The following SNX29 variants were observed in gnomAD, a reference collection of about 807,000 sequenced individuals.
SNX29 encodes the protein sorting nexin 29.
Under a neutral mutation model 102.1 loss-of-function variants are expected in SNX29, and 78 were observed. That is an observed-to-expected ratio of 0.76 (90% confidence interval 0.64 to 0.92). The LOEUF (loss-of-function observed/expected upper bound fraction) is 0.92, where lower values mean the gene tolerates loss of function less well. Ranked by LOEUF, SNX29 falls within the 40% of genes least tolerant of loss-of-function variation. The pLI, the probability that SNX29 is intolerant of heterozygous loss-of-function variation, is 0.00. For missense variants in SNX29, 1,280 were observed against 1,061.7 expected (o/e 1.21, Z -2.86); for synonymous variants, 580 against 414.5 (o/e 1.40, Z -4.85).
chr16:12,510,421 A>T (rs934427892), intron 19 of SNX29, among the ~76,000 whole-genome samples: 2 of 152,026 alleles, frequency 1.3e-5, no homozygotes, highest in Non-Finnish European at 2.9e-5. Context: ...GGCCTATACA[A>T]CCAGCACTTT....
intron 13 of SNX29, among the ~76,000 whole-genome samples, chr16:12,163,044 G>A (rs574509857): frequency 6.6e-6 from 1 of 152,230 alleles, no homozygotes; most frequent in Non-Finnish European, 1.5e-5. Flanking sequence ...ACCATGCCCA[G>A]CTAATTTTTG....
intron 14 of SNX29, among the ~76,000 whole-genome samples, chr16:12,268,042 G>C (rs12446650): frequency 0.63 from 96,006 of 152,034 alleles, 31,322 homozygotes; most frequent in African/African-American, 0.78. Context: ...AACGTTCTCT[G>C]CAGGGCTGTG....
chr16:12,514,069 A>G (rs950695299), intron 19 of SNX29, among the ~76,000 whole-genome samples: 1 of 152,220 alleles, frequency 6.6e-6, no homozygotes, highest in Non-Finnish European at 1.5e-5. Flanking sequence ...CCTGCATCCC[A>G]GGGTGGCAGG....
intron 13 of SNX29, among the ~76,000 whole-genome samples, chr16:12,187,315 T>G (rs1370209857): frequency 2.0e-5 from 3 of 152,216 alleles, no homozygotes; most frequent in Non-Finnish European, 4.4e-5. Flanking sequence ...ATCCCAGCAC[T>G]TTGGGAGGCC....
At chr16:12,001,485 A>G (rs1438536082) in intron 2 of SNX29, among the ~76,000 whole-genome samples, 2 of 151,984 alleles carry the variant, frequency 1.3e-5, no homozygotes, top group Admixed American at 1.3e-4. Flanking sequence ...CTTTTTTTGC[A>G]TGACTTTCAA....
At position 12,572,111 on chromosome 16, in the gene SNX29, C is replaced by T. The variant is rs956709251; in HGVS notation, c.*3482C>T. Reference sequence around the variant, plus strand: ...GGGAGGGATGTGGACTGGGTCTGATCACAGCCCTTGGCCCTGCTTCATACT... The same window carrying T: ...GGGAGGGATGTGGACTGGGTCTGATTACAGCCCTTGGCCCTGCTTCATACT... On this transcript the variant is annotated 3_prime_UTR_variant, in exon 21 of 21. Transcript: ENST00000566228. 5 of 1,049,640 alleles carry T rather than the reference C, an allele frequency of 4.8e-6. No homozygotes were observed. Among genetic ancestry groups the T allele is most frequent in the Non-Finnish European group, 5.8e-6 (5 of 865,424 alleles). 65.0% of individuals were successfully genotyped at this position (1,049,640 alleles called of 1,614,324 possible). A position where few individuals can be genotyped will look rare whatever the true frequency, so the allele number is the denominator to read the frequency against.
chr16:12,382,040 C>G (rs909707796), intron 16 of SNX29, among the ~76,000 whole-genome samples: 1 of 151,960 alleles, frequency 6.6e-6, no homozygotes, highest in Admixed American at 6.5e-5. Context: ...TGTCTTCAAG[C>G]AGCTTCCAAA....
Position 12,239,254 on chromosome 16 carries a change from C to T in SNX29, c.1679-38679C>T, listed in dbSNP as rs147341175. Among the ~76,000 whole-genome samples, 445 of 152,184 alleles carry T rather than the reference C, an allele frequency of 2.9e-3. 3 individuals are homozygous for T. Among genetic ancestry groups the T allele is most frequent in the Admixed American group, 4.6e-3 (71 of 15,286 alleles). ...TGTTCATTGCGTTCATTGTTTGTTG[C>T]CAGGAAGTGCATTCTGTACCTGACA... On this transcript the variant is annotated intron_variant, in intron 14 of 20. Transcript: ENST00000566228.
chr16:12,012,064 C>G (rs1339967455), intron 3 of SNX29, among the ~76,000 whole-genome samples: 2 of 152,142 alleles, frequency 1.3e-5, no homozygotes, highest in Non-Finnish European at 2.9e-5. Context: ...TTATAGAGTA[C>G]TATGTTGGCA....
intron 18 of SNX29, among the ~76,000 whole-genome samples, chr16:12,449,317 G>A (rs1204713247): frequency 6.6e-6 from 1 of 151,900 alleles, no homozygotes; most frequent in Non-Finnish European, 1.5e-5. Flanking sequence ...AACTTAGCCA[G>A]GCAAAGAAGG....
chr16:12,537,803 A>C (rs941600683), intron 20 of SNX29, among the ~76,000 whole-genome samples: 1 of 152,076 alleles, frequency 6.6e-6, no homozygotes, highest in Non-Finnish European at 1.5e-5. Flanking sequence ...CTCCTATATC[A>C]GAGAGGTGTG....
intron 18 of SNX29, among the ~76,000 whole-genome samples, chr16:12,407,132 C>A (rs143047149): frequency 3.3e-5 from 5 of 151,844 alleles, no homozygotes; most frequent in African/African-American, 1.2e-4. Flanking sequence ...AGAAGGACCA[C>A]ACTGGCCATG....
chr16:11,995,613 T>C (rs1369691594), intron 1 of SNX29, among the ~76,000 whole-genome samples: 1 of 143,908 alleles, frequency 6.9e-6, no homozygotes, highest in East Asian at 2.0e-4. Flanking sequence ...TGCTGACATC[T>C]CATCCAGAAT....
intron 13 of SNX29, among the ~76,000 whole-genome samples, chr16:12,138,855 T>C (rs1317025421): frequency 6.6e-6 from 1 of 152,108 alleles, no homozygotes; most frequent in Non-Finnish European, 1.5e-5. Flanking sequence ...GAGTAAACTT[T>C]TTTTGTTCAA....
intron 20 of SNX29, among the ~76,000 whole-genome samples, chr16:12,554,441 C>T (rs554624042): frequency 1.3e-5 from 2 of 152,374 alleles, no homozygotes; most frequent in African/African-American, 2.4e-5. Context: ...TGTTTCCGCA[C>T]ACCTGCCATG....
rs1195948466 is a variant in SNX29, at chr16:12,052,176, A to T, written c.1078A>T (p.Asn360Tyr). Residue 360 changes from asparagine to tyrosine, a missense_variant, in exon 8 of 21, where the codon AAC (asparagine) becomes TAC (tyrosine). By Grantham distance (143) the Asn-to-Tyr change is moderately radical. Coordinates refer to ENST00000566228, the MANE Select transcript of SNX29 (RefSeq NM_032167.5). ...VDENEDDVYGNSSGRKHRGHS... is the reference protein window; with the variant it reads ...VDENEDDVYGYSSGRKHRGHS... ...TGAAAACGAAGATGACGTGTATGGAAACTCATCAGGAAGGAAGCACAGGGG... is the reference window on the plus strand; with the variant it reads ...TGAAAACGAAGATGACGTGTATGGATACTCATCAGGAAGGAAGCACAGGGG... The T allele has an allele frequency of 3.1e-6, 5 of 1,613,828 alleles. No individual in the cohort carries two copies. Among genetic ancestry groups the T allele is most frequent in the Non-Finnish European group, 8.5e-7 (1 of 1,179,878 alleles).
intron 9 of SNX29, among the ~76,000 whole-genome samples, chr16:12,064,624 A>G (rs2050937884): frequency 6.6e-6 from 1 of 152,210 alleles, no homozygotes; most frequent in South Asian, 2.1e-4. Context: ...ACATTATTCC[A>G]GGACTGTGTC....
At chr16:11,983,274 A>C (rs1174528489) in intron 1 of SNX29, among the ~76,000 whole-genome samples, 2 of 113,120 alleles carry the variant, frequency 1.8e-5, no homozygotes. Context: ...ATTGGGTCTT[A>C]CTACGTTACC....
intron 15 of SNX29, among the ~76,000 whole-genome samples, chr16:12,303,241 T>G (rs1296650969): frequency 6.6e-6 from 1 of 152,188 alleles, no homozygotes; most frequent in Non-Finnish European, 1.5e-5. Context: ...ATAGATGAAT[T>G]TTAGCCCCAC....
Sources: allele counts gnomAD v4.1 joint callset (sites outside exome capture counted in the v4.1 genomes callset), GRCh38; gene constraint gnomAD v4.1.1; transcripts MANE v1.5; gene names NCBI Gene and HGNC (gene_info 2026-07-23, HGNC 2026-07-21).